ZFYVE1: variants seen among roughly 807,000 people sequenced by gnomAD.
ZFYVE1 encodes the protein zinc finger FYVE domain-containing protein 1.
ZFYVE1 carries 30 observed loss-of-function variants against 74.4 expected under a neutral mutation model. The ratio of observed to expected loss-of-function variants is 0.40; its 90% confidence interval spans 0.30 to 0.55. The LOEUF (loss-of-function observed/expected upper bound fraction) is 0.55. Among genes scored for constraint, ZFYVE1 ranks in the 20% least tolerant of loss-of-function variants. ZFYVE1 has a pLI of 0.42. For synonymous variants in ZFYVE1, 335 were observed against 385.1 expected (o/e 0.87, Z 1.52); for missense variants, 703 against 1,011.6 (o/e 0.69, Z 4.14).
chr14:72,994,764 C>T (rs573199742), intron 3 of ZFYVE1, among the ~76,000 whole-genome samples: 2 of 152,348 alleles, frequency 1.3e-5, no homozygotes, highest in Admixed American at 6.5e-5. Context: ...GCTCTTTTCT[C>T]ACTTAATAAC....
intron 4 of ZFYVE1, among the ~76,000 whole-genome samples, chr14:72,988,929 CTTTTTTTTTTTT>C (rs34464072): frequency 1.7e-5 from 2 of 118,138 alleles, no homozygotes; most frequent in African/African-American, 6.6e-5. Flanking sequence ...GCAATTTCTT[CTTTTTTTTTTTT>C]TTTTTTTTGA....
Position 73,023,385 on chromosome 14 carries a change from A to G in ZFYVE1, c.483+641T>C, listed in dbSNP as rs1157246720. On this transcript the variant is annotated intron_variant, in intron 2 of 11. Transcript: ENST00000556143. ...TATATGTTTTATATATAATATATAT[A>G]TTTTATGTGTTTTATATATAATATA... is the stretch of plus-strand genomic sequence containing the variant. Among the ~76,000 whole-genome samples, 16 of 8,132 alleles carry G rather than the reference A, an allele frequency of 2.0e-3. 2 individuals are homozygous for G. In the East Asian group the frequency reaches 0.092, roughly 47 times the overall value. The allele number at this position is 8,132 out of a possible 152,430, so 5.3% of individuals were successfully genotyped here. A position where few individuals can be genotyped will look rare whatever the true frequency, so the allele number is the denominator to read the frequency against.
intron 2 of ZFYVE1, among the ~76,000 whole-genome samples, chr14:73,004,397 G>T (rs1355556957): frequency 6.6e-6 from 1 of 151,900 alleles, no homozygotes. Flanking sequence ...TGGGGACGGG[G>T]GAACATTTAG....
intron 2 of ZFYVE1, among the ~76,000 whole-genome samples, chr14:73,016,057 C>A (rs1230117509): frequency 6.6e-6 from 1 of 152,152 alleles, no homozygotes; most frequent in East Asian, 1.9e-4. Flanking sequence ...CATACAAGAC[C>A]CAAGAGATGG....
At chr14:73,023,233 TTA>T (rs1477562260) in intron 2 of ZFYVE1, among the ~76,000 whole-genome samples, 5 of 137,006 alleles carry the variant, frequency 3.6e-5, no homozygotes, top group African/African-American at 1.4e-4. Context: ...TTTATATGTT[TTA>T]TATGTAATAT....
intron 1 of ZFYVE1, among the ~76,000 whole-genome samples, chr14:73,026,127 C>T (rs1278563858): frequency 6.8e-6 from 1 of 146,896 alleles, no homozygotes; most frequent in African/African-American, 2.5e-5. Flanking sequence ...CCTTCTTTCA[C>T]TAACTGAAAA....
At chr14:73,012,050 T>C (rs1027556303) in intron 2 of ZFYVE1, among the ~76,000 whole-genome samples, 2 of 151,392 alleles carry the variant, frequency 1.3e-5, no homozygotes, top group Admixed American at 6.6e-5. Context: ...ACCCCATCTC[T>C]ATTAAAAATT....
intron 2 of ZFYVE1, among the ~76,000 whole-genome samples, chr14:73,023,388 TTA>T (rs374326418): frequency 1.2e-5 from 1 of 80,080 alleles, no homozygotes; most frequent in African/African-American, 6.3e-5. Context: ...TATATATATT[TTA>T]TGTGTTTTAT....
chr14:73,009,589 C>T (rs1567360778), intron 2 of ZFYVE1, among the ~76,000 whole-genome samples: 3 of 152,104 alleles, frequency 2.0e-5, no homozygotes, highest in Admixed American at 2.0e-4. Context: ...ACCCCCATCT[C>T]GACTAAAAAT....
intron 2 of ZFYVE1, among the ~76,000 whole-genome samples, chr14:73,021,565 C>G (rs1479141783): frequency 6.6e-6 from 1 of 152,156 alleles, no homozygotes; most frequent in African/African-American, 2.4e-5. Flanking sequence ...CATTCACTAT[C>G]AGAAAACTGA....
chr14:73,019,920 C>T (rs1894281254), intron 2 of ZFYVE1, among the ~76,000 whole-genome samples: 2 of 151,546 alleles, frequency 1.3e-5, no homozygotes, highest in South Asian at 2.1e-4. Context: ...CACGGCACTC[C>T]AGCCGGGGCA....
chr14:73,006,591 C>A lies in ZFYVE1; in HGVS notation c.484-8276G>T, dbSNP rs148902401. ...CTCTGTCTAAAAACCTTTACAAAAC[C>A]CAGCAGCACCTCCCTCTCTCCCTCC... On this transcript the variant is annotated intron_variant, in intron 2 of 11. Coordinates refer to ENST00000556143, the MANE Select transcript of ZFYVE1 (RefSeq NM_021260.4). 2.9e-3 allele frequency among the ~76,000 whole-genome samples: 440 copies of A among 151,882 alleles called. 3 individuals are homozygous for A. The highest frequency in any genetic ancestry group is 9.8e-3 in the African/African-American group (405 of 41,422).
intron 4 of ZFYVE1, among the ~76,000 whole-genome samples, chr14:72,990,689 CTTTTTTTTTTTT>C (rs369030778): frequency 7.5e-5 from 5 of 66,682 alleles, no homozygotes; most frequent in African/African-American, 5.4e-5. Flanking sequence ...CGCACCTGGC[CTTTTTTTTTTTT>C]TTTTTTTTTT....
At chr14:72,971,527 C>T (rs1457992640) in intron 11 of ZFYVE1, among the ~76,000 whole-genome samples, 1 of 152,090 alleles carries the variant, frequency 6.6e-6, no homozygotes, top group Non-Finnish European at 1.5e-5. Context: ...AGGGTTTCAC[C>T]ATGTTGTCCG....
At position 72,970,786 on chromosome 14, in the gene ZFYVE1, C is replaced by A; in HGVS notation, c.*96G>T. 3 of 1,337,032 alleles carry A rather than the reference C, an allele frequency of 2.2e-6. No individual in the cohort carries two copies. The highest frequency in any genetic ancestry group is 2.1e-6 in the Non-Finnish European group (2 of 967,490). 82.8% of individuals were successfully genotyped at this position (1,337,032 alleles called of 1,614,324 possible). On this transcript the variant is annotated 3_prime_UTR_variant, in exon 12 of 12. Coordinates refer to ENST00000556143, the MANE Select transcript of ZFYVE1 (RefSeq NM_021260.4). Reference sequence around the variant, plus strand: ...GGATGCGGAGAGGAGAGGACACACACCACAGCAGGTGACTGGGAGGAGGGC... The same window carrying A: ...GGATGCGGAGAGGAGAGGACACACAACACAGCAGGTGACTGGGAGGAGGGC...
intron 2 of ZFYVE1, among the ~76,000 whole-genome samples, chr14:73,018,019 C>A (rs1028769055): frequency 6.6e-6 from 1 of 152,208 alleles, no homozygotes; most frequent in African/African-American, 2.4e-5. Context: ...CTCACTCCAG[C>A]CACACTGGCA....
At chr14:72,990,198 C>T (rs530262564) in intron 4 of ZFYVE1, among the ~76,000 whole-genome samples, 1 of 152,296 alleles carries the variant, frequency 6.6e-6, no homozygotes, top group Admixed American at 6.5e-5. Flanking sequence ...TTTGGGTAAA[C>T]TGCAACAACT....
chr14:72,974,757 C>A (rs188388322), intron 10 of ZFYVE1, 22 bp downstream of exon 10: 21 of 1,581,414 alleles, frequency 1.3e-5, no homozygotes, highest in Non-Finnish European at 1.7e-5. Flanking sequence ...TCCACCCCTG[C>A]AGCTCCCAGG....
rs1409339794 is a variant in ZFYVE1 at position 73,024,153 on chromosome 14, G to A, written c.356C>T (p.Thr119Ile). ...SGGNKRRHPV[T>I]VYNVSNLQES... is the part of the protein sequence containing the mutation. ...CTGGAGATTACTGACATTGTACACA[G>A]TAACAGGGTGTCTCCTTTTGTTACC... Residue 119 changes from threonine (T) to isoleucine (I), a missense_variant, in exon 2 of 12, where the codon ACT (threonine) becomes ATT (isoleucine). Physicochemically the swap from Thr to Ile is moderately conservative, Grantham distance 89. Transcript: ENST00000556143. The A allele has an allele frequency of 2.5e-6, 4 of 1,614,142 alleles. No individual in the cohort carries two copies. The highest frequency in any genetic ancestry group is 2.2e-5 in the South Asian group (2 of 91,074).
Sources: allele counts gnomAD v4.1 joint callset (sites outside exome capture counted in the v4.1 genomes callset), GRCh38; gene constraint gnomAD v4.1.1; transcripts MANE v1.5; gene names NCBI Gene and HGNC (gene_info 2026-07-23, HGNC 2026-07-21).